The following ANXA2 variants were observed in gnomAD, a reference collection of about 807,000 sequenced individuals.
ANXA2 encodes the protein annexin A2.
In ANXA2, 28 loss-of-function variants were observed where a neutral mutation model predicts 47.3. The ratio of observed to expected loss-of-function variants is 0.59; its 90% confidence interval spans 0.44 to 0.81. ANXA2 has a LOEUF of 0.81. Ranked by LOEUF, ANXA2 falls within the 40% of genes least tolerant of loss-of-function variation. The pLI is 0.00. For missense variants in ANXA2, 384 were observed against 414.3 expected (o/e 0.93, Z 0.64); for synonymous variants, 172 against 155.5 (o/e 1.11, Z -0.79).
At position 60,356,096 on chromosome 15, in the gene ANXA2, C is replaced by T; in HGVS notation, c.449-98G>A. On this transcript the variant is annotated intron_variant, in intron 6 of 12. Coordinates refer to ENST00000451270, the MANE Select transcript of ANXA2 (RefSeq NM_004039.3). ...CCCACTAAGACTCTGAGAAGCAGAACAGCTACGTCAGCTGGACATATCCAT... is the reference window on the plus strand; with the variant it reads ...CCCACTAAGACTCTGAGAAGCAGAATAGCTACGTCAGCTGGACATATCCAT... The T allele has an allele frequency of 4.8e-6, 4 of 835,538 alleles. No individual in the cohort carries two copies. In the South Asian group the frequency reaches 6.1e-5, roughly 13 times the overall value. 51.8% of individuals were successfully genotyped at this position (835,538 alleles called of 1,614,324 possible). A position where few individuals can be genotyped will look rare whatever the true frequency, so the allele number is the denominator to read the frequency against.
intron 3 of ANXA2, among the ~76,000 whole-genome samples, chr15:60,365,553 T>G (rs1045178050): frequency 1.3e-5 from 2 of 151,790 alleles, no homozygotes; most frequent in African/African-American, 2.4e-5. Context: ...ATCAGAGGAG[T>G]CCTGAAGAAA....
rs753826389 is a variant in ANXA2 at position 60,397,924 on chromosome 15, C to T, written c.-12+19G>A. 9.8e-6 allele frequency: 13 copies of T among 1,328,148 alleles called. No homozygotes were observed. The highest frequency in any genetic ancestry group is 4.6e-5 in the African/African-American group (3 of 65,328). 82.3% of individuals were successfully genotyped at this position (1,328,148 alleles called of 1,614,324 possible). On this transcript the variant is annotated intron_variant, in intron 1 of 12. Coordinates refer to ENST00000451270, the MANE Select transcript of ANXA2 (RefSeq NM_004039.3). Reference sequence around the variant, plus strand: ...TAGCTGGCGGCCCATCGCGGGCGGGCAGGGCGCGCCCCGCTTACCTGGGCC... The same window carrying T: ...TAGCTGGCGGCCCATCGCGGGCGGGTAGGGCGCGCCCCGCTTACCTGGGCC...
chr15:60,373,877 G>A (rs2062742267), intron 3 of ANXA2, among the ~76,000 whole-genome samples: 1 of 152,150 alleles, frequency 6.6e-6, no homozygotes, highest in African/African-American at 2.4e-5. Context: ...TGAAATATGG[G>A]GCAAAGAAAG....
chr15:60,379,973 C>G (rs2062833237), intron 3 of ANXA2, among the ~76,000 whole-genome samples: 1 of 152,192 alleles, frequency 6.6e-6, no homozygotes, highest in South Asian at 2.1e-4. Flanking sequence ...CAAAAGAAGT[C>G]TTTGTCCCAT....
intron 12 of ANXA2, among the ~76,000 whole-genome samples, chr15:60,348,602 G>C (rs370243272): frequency 6.6e-6 from 1 of 152,102 alleles, no homozygotes; most frequent in East Asian, 1.9e-4. Context: ...AAAATTAGCC[G>C]GGTGTGGTGG....
chr15:60,397,881 A>G (rs1383405697), intron 1 of ANXA2, 62 bp downstream of exon 1: 1 of 1,376,816 alleles, frequency 7.3e-7, no homozygotes, highest in Non-Finnish European at 9.4e-7. Flanking sequence ...CCTTCTTCCC[A>G]GCGTCTCCAC....
chr15:60,351,041 C>T, intron 11 of ANXA2, 152 bp downstream of exon 11: 2 of 698,964 alleles, frequency 2.9e-6, no homozygotes, highest in Non-Finnish European at 4.9e-6. Flanking sequence ...GTTCTCTCAG[C>T]TGTCACATAC....
At chr15:60,391,790 C>G (rs1296275959) in intron 1 of ANXA2, among the ~76,000 whole-genome samples, 1 of 152,150 alleles carries the variant, frequency 6.6e-6, no homozygotes, top group Non-Finnish European at 1.5e-5. Context: ...AACCACTACT[C>G]CTTTTCTGGC....
chr15:60,389,073 T>C (rs1159954298), intron 1 of ANXA2, among the ~76,000 whole-genome samples: 1 of 152,108 alleles, frequency 6.6e-6, no homozygotes, highest in Non-Finnish European at 1.5e-5. Context: ...ACTCCTAGGA[T>C]GGACATCAAA....
chr15:60,371,455 G>A (rs184500275), intron 3 of ANXA2, among the ~76,000 whole-genome samples: 140 of 152,262 alleles, frequency 9.2e-4, no homozygotes, highest in Admixed American at 2.2e-3. Flanking sequence ...TCCTCTCTGC[G>A]GGTGGAAACC....
chr15:60,370,014 T>C (rs927909501), intron 3 of ANXA2, among the ~76,000 whole-genome samples: 1 of 152,228 alleles, frequency 6.6e-6, no homozygotes, highest in African/African-American at 2.4e-5. Context: ...CAGCCAGCAC[T>C]GATAGAATTT....
chr15:60,364,583 A>G, intron 3 of ANXA2, 60 bp from the exon 4 acceptor site: 1 of 1,345,582 alleles, frequency 7.4e-7, no homozygotes, highest in Non-Finnish European at 1.0e-6. Flanking sequence ...GGGCTTACAT[A>G]GAAGGTGTCA....
intron 1 of ANXA2, among the ~76,000 whole-genome samples, chr15:60,389,124 T>G (rs2140930636): frequency 6.6e-6 from 1 of 152,212 alleles, no homozygotes; most frequent in South Asian, 2.1e-4. Flanking sequence ...CTGGACTCAG[T>G]CAGAACTGGA....
intron 1 of ANXA2, chr15:60,397,136 G>C (rs543150253): frequency 2.9e-6 from 1 of 346,360 alleles, no homozygotes; most frequent in African/African-American, 2.2e-5. Context: ...CAGCTGCACA[G>C]AGCGGCCAGA....
At chr15:60,359,239 C>A (rs2062477200) in intron 5 of ANXA2, among the ~76,000 whole-genome samples, 1 of 152,162 alleles carries the variant, frequency 6.6e-6, no homozygotes, top group African/African-American at 2.4e-5. Flanking sequence ...ACAACAGTGA[C>A]TGACAGCTCA....
chr15:60,351,636 C>T, intron 10 of ANXA2, 88 bp downstream of exon 10: 1 of 864,536 alleles, frequency 1.2e-6, no homozygotes, highest in South Asian at 1.4e-5. Context: ...CCACACCTCC[C>T]AAACACATTT....
chr15:60,380,391 A>C (rs951565746), intron 3 of ANXA2, among the ~76,000 whole-genome samples: 3 of 151,506 alleles, frequency 2.0e-5, no homozygotes, highest in African/African-American at 7.3e-5. Context: ...CTCATCCACT[A>C]TGCTCCACTG....
intron 3 of ANXA2, among the ~76,000 whole-genome samples, chr15:60,380,804 C>CAAA (rs61570476): frequency 1.0e-3 from 64 of 61,028 alleles, no homozygotes; most frequent in African/African-American, 2.4e-3. Flanking sequence ...AACTCCATCT[C>CAAA]AAAAAAAAAA....
At chr15:60,370,007 C>G (rs2062691100) in intron 3 of ANXA2, among the ~76,000 whole-genome samples, 1 of 152,172 alleles carries the variant, frequency 6.6e-6, no homozygotes, top group Non-Finnish European at 1.5e-5. Flanking sequence ...AAGTGTCCAG[C>G]CAGCACTGAT....
Sources: allele counts gnomAD v4.1 joint callset (sites outside exome capture counted in the v4.1 genomes callset), GRCh38; gene constraint gnomAD v4.1.1; transcripts MANE v1.5; gene names NCBI Gene and HGNC (gene_info 2026-07-23, HGNC 2026-07-21).